BIVM: variants seen among roughly 807,000 people sequenced by gnomAD.
The protein encoded by BIVM is basic, immunoglobulin-like variable motif containing, also known as basic immunoglobulin-like variable motif-containing protein.
Under a neutral mutation model 61.4 loss-of-function variants are expected in BIVM, and 31 were observed. That is an observed-to-expected ratio of 0.51 (90% CI 0.38 to 0.68). The LOEUF (loss-of-function observed/expected upper bound fraction) is 0.68, where lower values mean the gene tolerates loss of function less well. Ranked by LOEUF, BIVM falls within the 30% of genes least tolerant of loss-of-function variation. The pLI is 0.00. For missense variants in BIVM, 526 were observed against 596.0 expected (o/e 0.88, Z 1.22); for synonymous variants, 189 against 210.7 (o/e 0.90, Z 0.89).
intron 9 of BIVM, among the ~76,000 whole-genome samples, 187 bp from the exon 10 acceptor site, chr13:102,838,456 G>A (rs984618624): frequency 3.9e-5 from 6 of 152,146 alleles, no homozygotes; most frequent in Admixed American, 3.9e-4. Flanking sequence ...GGCAACGGTT[G>A]GATAAACAGA....
intron 7 of BIVM, among the ~76,000 whole-genome samples, chr13:102,823,757 G>C (rs370379247): frequency 6.6e-6 from 1 of 152,160 alleles, no homozygotes; most frequent in Admixed American, 6.5e-5. Flanking sequence ...TTTTAAAAGA[G>C]GTTTTCAATC....
At position 102,807,879 on chromosome 13, in the gene BIVM, A is replaced by G; in HGVS notation, c.478+134A>G. The G allele has an allele frequency of 9.4e-7, 1 of 1,067,594 alleles. No individual in the cohort carries two copies. Among genetic ancestry groups the G allele is most frequent in the Non-Finnish European group, 1.3e-6 (1 of 766,674 alleles). The allele number at this position is 1,067,594 out of a possible 1,614,324, so 66.1% of individuals were successfully genotyped here. A position where few individuals can be genotyped will look rare whatever the true frequency, so the allele number is the denominator to read the frequency against. On this transcript the variant is annotated intron_variant, in intron 3 of 10. Coordinates refer to ENST00000257336, the MANE Select transcript of BIVM (RefSeq NM_017693.4). This position sits in a 1 kb window ranked among gnomAD's most constrained non-coding sequence, Gnocchi z 4.0. ...GAACATGGCTATCATCTTGTCTGTC[A>G]ATGTAGTTTTAGGAAAGTAACCTTG...
chr13:102,807,170 T>C lies in BIVM; in HGVS notation c.-98T>C, dbSNP rs1350352783. 47 of 1,330,036 alleles carry C rather than the reference T, an allele frequency of 3.5e-5. No individual in the cohort carries two copies. The highest frequency in any genetic ancestry group is 4.8e-5 in the Non-Finnish European group (47 of 984,744). The allele number at this position is 1,330,036 out of a possible 1,614,324, so 82.4% of individuals were successfully genotyped here. A position where few individuals can be genotyped will look rare whatever the true frequency, so the allele number is the denominator to read the frequency against. ...GGAGCTCATTTTGCAGCTCTCAAGC[T>C]TTTATAGCATGCTGTAAACAATTGT... On this transcript the variant is annotated 5_prime_UTR_variant, in exon 3 of 11. Transcript: ENST00000257336. This position sits in a 1 kb window ranked among gnomAD's most constrained non-coding sequence, Gnocchi z 4.0.
chr13:102,804,724 T>G (rs531439674), intron 1 of BIVM, among the ~76,000 whole-genome samples: 3 of 152,024 alleles, frequency 2.0e-5, no homozygotes, highest in Non-Finnish European at 4.4e-5. Flanking sequence ...CCTCCCAAAG[T>G]GCTGGGATTA....
intron 9 of BIVM, among the ~76,000 whole-genome samples, chr13:102,835,917 G>A (rs1470985383): frequency 6.6e-6 from 1 of 152,200 alleles, no homozygotes; most frequent in African/African-American, 2.4e-5. Flanking sequence ...ACTTAATACA[G>A]TGTTTTCAAT....
At chr13:102,827,978 T>C (rs1274033919) in intron 7 of BIVM, among the ~76,000 whole-genome samples, 2 of 152,232 alleles carry the variant, frequency 1.3e-5, no homozygotes, top group African/African-American at 2.4e-5. Context: ...AAAAACACTT[T>C]TAAATCTATC....
intron 3 of BIVM, among the ~76,000 whole-genome samples, chr13:102,813,621 T>C (rs939545074): frequency 9.9e-5 from 15 of 152,226 alleles, no homozygotes; most frequent in Non-Finnish European, 1.5e-5. Context: ...TTTTTCACTT[T>C]CCTTATATGT....
rs757608885 is a variant in BIVM at position 102,831,611 on chromosome 13, G to C, written c.948G>C (p.Ser316=). ...SKLTRGLKDE[S]LAYIYHCQNH... ...TAACCCGTGGATTGAAAGATGAATC[G>C]CTGGCTTATATCTATCATTGCCAAA... Residue 316 remains serine (S), a synonymous_variant, in exon 8 of 11, where the codon TCG becomes TCC. Coordinates refer to ENST00000257336, the MANE Select transcript of BIVM (RefSeq NM_017693.4). 1 of 1,613,968 alleles carries C rather than the reference G, an allele frequency of 6.2e-7. No individual in the cohort carries two copies. Among genetic ancestry groups the C allele is most frequent in the Non-Finnish European group, 8.5e-7 (1 of 1,179,990 alleles).
chr13:102,835,465 G>A (rs937113649), intron 9 of BIVM, among the ~76,000 whole-genome samples: 5 of 152,136 alleles, frequency 3.3e-5, no homozygotes, highest in Non-Finnish European at 5.9e-5. Context: ...CAGTCACTCC[G>A]TATTCCCTGA....
Position 102,839,653 on chromosome 13 carries a change from A to T in BIVM, c.1300A>T (p.Thr434Ser), listed in dbSNP as rs1405838099. The T allele has an allele frequency of 1.9e-6, 3 of 1,614,030 alleles. No homozygotes were observed. The change falls in exon 11 of 11, where the codon ACC becomes TCC. Residue 434 changes from threonine to serine, a missense_variant. Physicochemically the swap from Thr to Ser is moderately conservative, Grantham distance 58. Coordinates refer to ENST00000257336, the MANE Select transcript of BIVM (RefSeq NM_017693.4). ...TGGCCTTTGGAACTTTCCATTTGGA[A>T]CCATTAGACAAGAATCACAACCTCC... ...RFGLWNFPFGTIRQESQPPTH... is the reference protein window; with the variant it reads ...RFGLWNFPFGSIRQESQPPTH...
chr13:102,833,819 C>T (rs148597199), intron 8 of BIVM, among the ~76,000 whole-genome samples: 2 of 152,184 alleles, frequency 1.3e-5, no homozygotes, highest in African/African-American at 4.8e-5. Context: ...CTTTATTCAT[C>T]TTTCTGGAGG....
chr13:102,827,957 G>A (rs560321814), intron 7 of BIVM, among the ~76,000 whole-genome samples: 31 of 152,222 alleles, frequency 2.0e-4, no homozygotes, highest in South Asian at 4.1e-4. Context: ...TGTCAGTGGC[G>A]CTATTTGTTT....
rs573166703 is a variant in BIVM, at chr13:102,804,534, G to A, written c.-206-773G>A. 3.0e-4 allele frequency among the ~76,000 whole-genome samples: 45 copies of A among 152,242 alleles called. No homozygotes were observed. The South Asian group carries it at 7.5e-3, about 25-fold the overall frequency. On this transcript the variant is annotated intron_variant, in intron 1 of 10. Transcript: ENST00000257336. ...TCACCCTGTGTGCCAGGCTGGTCTC[G>A]AACTCTGACCTCATGATCCACCCGC... is the stretch of plus-strand genomic sequence containing the variant.
chr13:102,819,705 C>A (rs1880106608), intron 4 of BIVM, among the ~76,000 whole-genome samples: 1 of 151,994 alleles, frequency 6.6e-6, no homozygotes, highest in Non-Finnish European at 1.5e-5. Context: ...ACCACCATGA[C>A]ACACATTTAT....
intron 7 of BIVM, among the ~76,000 whole-genome samples, chr13:102,829,814 C>A (rs1053631025): frequency 1.3e-5 from 2 of 151,584 alleles, no homozygotes; most frequent in Admixed American, 1.3e-4. Flanking sequence ...ACTCCAGCCT[C>A]GGCGACAGAG....
chr13:102,823,605 G>A (rs1880446264), intron 7 of BIVM, among the ~76,000 whole-genome samples: 1 of 152,078 alleles, frequency 6.6e-6, no homozygotes, highest in African/African-American at 2.4e-5. Context: ...ATTTATTTCT[G>A]TTTCTAGTGA....
At chr13:102,809,492 TATTA>T (rs1879331015) in intron 3 of BIVM, among the ~76,000 whole-genome samples, 1 of 152,226 alleles carries the variant, frequency 6.6e-6, no homozygotes, top group Admixed American at 6.5e-5. Context: ...TATCTATAAA[TATTA>T]ATTATGTCGA....
chr13:102,811,151 T>C (rs1453437068), intron 3 of BIVM, among the ~76,000 whole-genome samples: 3 of 152,242 alleles, frequency 2.0e-5, no homozygotes, highest in Non-Finnish European at 2.9e-5. Context: ...TAATTGTTCG[T>C]GTATTACCTT....
chr13:102,837,627 T>C (rs1366975924), intron 9 of BIVM, among the ~76,000 whole-genome samples: 1 of 152,150 alleles, frequency 6.6e-6, no homozygotes, highest in Admixed American at 6.5e-5. Context: ...CAATTCGCAG[T>C]TGCAAAGATG....
Sources: allele counts gnomAD v4.1 joint callset (sites outside exome capture counted in the v4.1 genomes callset), GRCh38; gene constraint gnomAD v4.1.1; non-coding constraint Gnocchi (gnomAD v3.1); transcripts MANE v1.5; gene names NCBI Gene and HGNC (gene_info 2026-07-23, HGNC 2026-07-21).